ESS2: variants seen among roughly 807,000 people sequenced by gnomAD.
The protein encoded by ESS2 is ess-2 spliceosome associated protein.
A neutral mutation model predicts 52.0 loss-of-function variants in ESS2; 31 were observed. The ratio of observed to expected loss-of-function variants is 0.60; its 90% CI spans 0.45 to 0.81. The LOEUF (loss-of-function observed/expected upper bound fraction) is 0.81, where lower values mean the gene tolerates loss of function less well. Among genes scored for constraint, ESS2 ranks in the 30% least tolerant of loss-of-function variants. The pLI, the probability that ESS2 is intolerant of heterozygous loss-of-function variation, is 0.00. For missense variants in ESS2, 602 were observed against 637.2 expected (o/e 0.94, Z 0.59); for synonymous variants, 285 against 259.2 (o/e 1.10, Z -0.95).
rs2083702843 is a variant in ESS2, at chr22:19,142,431, G to A, written c.400+107C>T. 23 of 1,008,674 alleles carry A rather than the reference G, an allele frequency of 2.3e-5. No individual in the cohort carries two copies. In the South Asian group the frequency reaches 3.5e-4, roughly 15 times the overall value. The allele number at this position is 1,008,674 out of a possible 1,614,324, so 62.5% of individuals were successfully genotyped here. ...CTGCTATTTACGCAAGACCCCTCAG[G>A]AACAAGATGTGGCCTGCAGCCCTCT... On this transcript the variant is annotated intron_variant, in intron 3 of 9. Transcript: ENST00000252137.
At chr22:19,139,064 C>A in intron 6 of ESS2, 95 bp downstream of exon 6, 1 of 1,472,254 alleles carries the variant, frequency 6.8e-7, no homozygotes, top group Non-Finnish European at 9.0e-7. Context: ...ACTCACTGAG[C>A]TCTGCCAAGC....
At chr22:19,138,343 CA>C (rs2083621444) in intron 6 of ESS2, 26 bp from the exon 7 acceptor site, 4 of 1,608,022 alleles carry the variant, frequency 2.5e-6, no homozygotes, top group African/African-American at 1.3e-5. Context: ...AGGCTGGCAT[CA>C]GGGGGACCGC....
intron 7 of ESS2, 53 bp from the exon 8 acceptor site, chr22:19,137,485 T>G: frequency 7.6e-7 from 1 of 1,323,862 alleles, no homozygotes; most frequent in South Asian, 1.3e-5. Context: ...CCCACCACCC[T>G]CCCCTCCAGT....
rs180703786 is a variant in ESS2, at chr22:19,137,215, G to A, written c.1035+108C>T. The A allele has an allele frequency of 1.1e-4, 84 of 774,252 alleles. 1 individual carries two copies. In the Middle Eastern group the frequency reaches 4.3e-3, roughly 40 times the overall value. The allele number at this position is 774,252 out of a possible 1,614,324, so 48.0% of individuals were successfully genotyped here. ...ATTCAGAAAAGCCAGCACTCTGCCC[G>A]TCAGCAGCTGGGGGCCGATCCCAGT... On this transcript the variant is annotated intron_variant, in intron 8 of 9. Coordinates refer to ENST00000252137, the MANE Select transcript of ESS2 (RefSeq NM_022719.3).
In ESS2 at chr22:19,131,911, T is replaced by A. The variant is rs776331935; in HGVS notation, c.*2285A>T. ...CGGGACAGCAATGGGCGCATCATCC[T>A]CAGCAAGACCTTCTGCGGGTCGGCA... is the stretch of plus-strand genomic sequence containing the variant. On this transcript the variant is annotated 3_prime_UTR_variant, in exon 10 of 10. Transcript: ENST00000252137. This position sits in a 1 kb window ranked among gnomAD's most constrained non-coding sequence, Gnocchi z 5.7. The A allele has an allele frequency of 6.8e-6, 11 of 1,613,998 alleles. No homozygotes were observed. In the South Asian group the frequency reaches 1.1e-4, roughly 16 times the overall value.
chr22:19,134,208 C>A lies in ESS2; in HGVS notation c.1419G>T (p.Ser473=). The part of the protein sequence containing the change: ...LLQLPARRKA[S]DFF ...CCCAGGCCTGGCTCTAAAAGAAGTC[C>A]GAAGCTTTGCGCCGGGCAGGGAGCT... The change falls in exon 10 of 10, where the codon TCG becomes TCT. Residue 473 remains serine, a synonymous_variant. Transcript: ENST00000252137. 1 of 1,514,020 alleles carries A rather than the reference C, an allele frequency of 6.6e-7. No individual in the cohort carries two copies. Among genetic ancestry groups the A allele is most frequent in the Non-Finnish European group, 8.9e-7 (1 of 1,129,644 alleles). 93.8% of individuals were successfully genotyped at this position (1,514,020 alleles called of 1,614,324 possible). A position where few individuals can be genotyped will look rare whatever the true frequency, so the allele number is the denominator to read the frequency against.
At chr22:19,141,046 C>T (rs55754617) in intron 3 of ESS2, among the ~76,000 whole-genome samples, 29,735 of 151,326 alleles carry the variant, frequency 0.2, 3,037 homozygotes, top group South Asian at 0.29. Context: ...CTTCGGGAGG[C>T]CAAGGTGGGA....
intron 8 of ESS2, among the ~76,000 whole-genome samples, chr22:19,136,029 G>GT (rs1323850523): frequency 8.3e-4 from 56 of 67,116 alleles, no homozygotes; most frequent in Non-Finnish European, 1.2e-3. Context: ...AACCCTATCT[G>GT]TTAAAAAAAA....
rs993147136 is a variant in ESS2, at chr22:19,131,201, T to C, written c.*2995A>G. The C allele has an allele frequency of 1.6e-5, 9 of 580,070 alleles. No individual in the cohort carries two copies. The highest frequency in any genetic ancestry group is 2.8e-5 in the Non-Finnish European group (9 of 326,856). The allele number at this position is 580,070 out of a possible 1,614,324, so 35.9% of individuals were successfully genotyped here. A position where few individuals can be genotyped will look rare whatever the true frequency, so the allele number is the denominator to read the frequency against. ...GAGACCCTGTTCTCCCTCAGCCCAG[T>C]CCCCGCCCCCACTCCTTGGCTTTAT... On this transcript the variant is annotated 3_prime_UTR_variant, in exon 10 of 10. Coordinates refer to ENST00000252137, the MANE Select transcript of ESS2 (RefSeq NM_022719.3). This position sits in a 1 kb window ranked among gnomAD's most constrained non-coding sequence, Gnocchi z 5.7.
chr22:19,134,164 G>C lies in ESS2; in HGVS notation c.*32C>G. On this transcript the variant is annotated 3_prime_UTR_variant, in exon 10 of 10. Transcript: ENST00000252137. ...TGTACAGCTGCCCTGCAGGCTCTGTGAAGCGTCTATGAGCCCAGCCCAGGC... is the reference window on the plus strand; with the variant it reads ...TGTACAGCTGCCCTGCAGGCTCTGTCAAGCGTCTATGAGCCCAGCCCAGGC... The C allele has an allele frequency of 6.8e-7, 1 of 1,479,702 alleles. No homozygotes were observed. The highest frequency in any genetic ancestry group is 9.0e-7 in the Non-Finnish European group (1 of 1,115,076). The allele number at this position is 1,479,702 out of a possible 1,614,324, so 91.7% of individuals were successfully genotyped here.
intron 3 of ESS2, among the ~76,000 whole-genome samples, chr22:19,140,334 G>A (rs968092702): frequency 6.6e-6 from 1 of 152,164 alleles, no homozygotes; most frequent in Non-Finnish European, 1.5e-5. Flanking sequence ...GTTAGAGCAA[G>A]AGCTCGTGAT....
rs1358319008 is a variant in ESS2, at chr22:19,142,905, A to G, written c.136-11T>C. ...GACCGTCTGGAGGCCCTGCAAGGAG[A>G]GATCAGAATGAAAGTCAGAGGCCAG... On this transcript the variant is annotated splice_polypyrimidine_tract_variant and intron_variant, in intron 1 of 9. Transcript: ENST00000252137. 1 of 1,608,882 alleles carries G rather than the reference A, an allele frequency of 6.2e-7. No homozygotes were observed. The highest frequency in any genetic ancestry group is 1.3e-5 in the African/African-American group (1 of 74,734).
chr22:19,134,170 T>C lies in ESS2; in HGVS notation c.*26A>G, dbSNP rs1363909072. The C allele has an allele frequency of 2.0e-6, 3 of 1,488,560 alleles. No homozygotes were observed. Among genetic ancestry groups the C allele is most frequent in the Non-Finnish European group, 2.7e-6 (3 of 1,119,164 alleles). The allele number at this position is 1,488,560 out of a possible 1,614,324, so 92.2% of individuals were successfully genotyped here. A position where few individuals can be genotyped will look rare whatever the true frequency, so the allele number is the denominator to read the frequency against. ...GCTGCCCTGCAGGCTCTGTGAAGCG[T>C]CTATGAGCCCAGCCCAGGCCTGGCT... is the stretch of plus-strand genomic sequence containing the variant. On this transcript the variant is annotated 3_prime_UTR_variant, in exon 10 of 10. Coordinates refer to ENST00000252137, the MANE Select transcript of ESS2 (RefSeq NM_022719.3).
At chr22:19,140,136 C>T (rs2083660506) in intron 3 of ESS2, 112 bp from the exon 4 acceptor site, 18 of 1,343,738 alleles carry the variant, frequency 1.3e-5, no homozygotes, top group Non-Finnish European at 1.8e-5. Context: ...AATCCTCTCC[C>T]CTGGTCCTGG....
In ESS2 at chr22:19,131,446, T is replaced by A; in HGVS notation, c.*2750A>T. 1.2e-6 allele frequency: 2 copies of A among 1,613,930 alleles called. No individual in the cohort carries two copies. Among genetic ancestry groups the A allele is most frequent in the Non-Finnish European group, 1.7e-6 (2 of 1,179,896 alleles). ...AGGAAGAAGGGTTACATCGTAGGCA[T>A]CAATCTTGGCAAGGGTTCCTACGCA... On this transcript the variant is annotated 3_prime_UTR_variant, in exon 10 of 10. Coordinates refer to ENST00000252137, the MANE Select transcript of ESS2 (RefSeq NM_022719.3). The surrounding 1 kb of genome is among the most constrained non-coding windows in gnomAD (Gnocchi z 5.7).
intron 3 of ESS2, among the ~76,000 whole-genome samples, chr22:19,140,979 G>A (rs2083676631): frequency 6.6e-6 from 1 of 152,104 alleles, no homozygotes; most frequent in Non-Finnish European, 1.5e-5. Context: ...TAGGTGTACA[G>A]GTATTGAAAA....
rs912613177 is a variant in ESS2, at chr22:19,130,550, G to T, written c.*3646C>A. On this transcript the variant is annotated 3_prime_UTR_variant, in exon 10 of 10. Transcript: ENST00000252137. Reference sequence around the variant, plus strand: ...ACTGTGGTACCGGAGTGATTATTTCGATTGTATCTCCTTTACAGCTTGGTC... The same window carrying T: ...ACTGTGGTACCGGAGTGATTATTTCTATTGTATCTCCTTTACAGCTTGGTC... The T allele has an allele frequency of 7.0e-6, 3 of 430,906 alleles. No homozygotes were observed. The highest frequency in any genetic ancestry group is 1.4e-5 in the Non-Finnish European group (3 of 221,066). The allele number at this position is 430,906 out of a possible 1,614,324, so 26.7% of individuals were successfully genotyped here. A position where few individuals can be genotyped will look rare whatever the true frequency, so the allele number is the denominator to read the frequency against.
At chr22:19,137,279 T>G in intron 8 of ESS2, 44 bp downstream of exon 8, 2 of 1,433,258 alleles carry the variant, frequency 1.4e-6, no homozygotes, top group Non-Finnish European at 1.9e-6. Flanking sequence ...GCTCCAGAGG[T>G]GTCCACCCCG....
At chr22:19,140,839 G>A (rs2083674165) in intron 3 of ESS2, among the ~76,000 whole-genome samples, 1 of 152,226 alleles carries the variant, frequency 6.6e-6, no homozygotes, top group Non-Finnish European at 1.5e-5. Context: ...GAGATAAGAA[G>A]TGAAACCCTG....
Sources: gnomAD v4.1 joint callset for allele counts (sites outside exome capture counted in the v4.1 genomes callset) on GRCh38, gnomAD v4.1.1 for gene constraint, Gnocchi (gnomAD v3.1) non-coding constraint, MANE v1.5 for transcripts, NCBI Gene and HGNC (gene_info 2026-07-23, HGNC 2026-07-21) for gene names.